CAMTA1: variants seen among roughly 807,000 people sequenced by gnomAD.
CAMTA1 encodes the protein calmodulin binding transcription activator 1.
In CAMTA1, 27 loss-of-function variants were observed where a neutral mutation model predicts 170.9. That is an observed-to-expected ratio of 0.16 (90% CI 0.12 to 0.22). The LOEUF is 0.22. Among genes scored for constraint, CAMTA1 ranks in the 10% least tolerant of loss-of-function variants. CAMTA1 has a pLI of 1.00. For missense variants in CAMTA1, 1,619 were observed against 2,217.2 expected, an observed-to-expected ratio of 0.73 and a Z score of 5.42; for synonymous variants, 833 against 891.5, an observed-to-expected ratio of 0.93 and a Z score of 1.17.
At chr1:7,528,802 G>GATGA (rs3033702) in intron 6 of CAMTA1, among the ~76,000 whole-genome samples, 42,455 of 148,358 alleles carry the variant, frequency 0.29, 6,090 homozygotes, top group South Asian at 0.37. Flanking sequence ...TGAAAGGATG[G>GATGA]ATGAATGAAT....
chr1:7,505,507 C>G (rs554069521), intron 6 of CAMTA1, among the ~76,000 whole-genome samples: 2 of 152,326 alleles, frequency 1.3e-5, no homozygotes, highest in South Asian at 4.1e-4. Context: ...GGAAAAGGAG[C>G]TTGTGCAGGC....
intron 4 of CAMTA1, among the ~76,000 whole-genome samples, chr1:7,121,633 T>C (rs1644645973): frequency 1.3e-5 from 2 of 152,232 alleles, no homozygotes; most frequent in South Asian, 4.1e-4. Context: ...ATCACCTCAG[T>C]GCCCAGGGGG....
intron 8 of CAMTA1, among the ~76,000 whole-genome samples, chr1:7,662,700 A>G (rs1361474321): frequency 6.6e-6 from 1 of 152,034 alleles, no homozygotes; most frequent in Non-Finnish European, 1.5e-5. Flanking sequence ...CCTACTTAGG[A>G]CCTAGAAGGA....
chr1:6,852,120 A>G (rs1370266236), intron 3 of CAMTA1, among the ~76,000 whole-genome samples: 1 of 152,192 alleles, frequency 6.6e-6, no homozygotes, highest in East Asian at 1.9e-4. Flanking sequence ...TCCTTCTCAG[A>G]AGGCAATGAA....
intron 3 of CAMTA1, among the ~76,000 whole-genome samples, chr1:7,059,284 G>C (rs1707848223): frequency 6.6e-6 from 1 of 152,184 alleles, no homozygotes; most frequent in South Asian, 2.1e-4. Flanking sequence ...GTGGTGGGTG[G>C]AAGAGGTGGG....
At chr1:7,109,102 G>C (rs1643870365) in intron 4 of CAMTA1, among the ~76,000 whole-genome samples, 2 of 152,240 alleles carry the variant, frequency 1.3e-5, no homozygotes, top group African/African-American at 4.8e-5. Flanking sequence ...GAGTTAGCAA[G>C]AGACTACGAG....
chr1:6,806,791 TTATC>T (rs1204133188), intron 1 of CAMTA1, among the ~76,000 whole-genome samples: 1 of 152,214 alleles, frequency 6.6e-6, no homozygotes, highest in Admixed American at 6.5e-5. Flanking sequence ...ATATGAATAT[TTATC>T]AAAGAGTTAG....
At chr1:7,310,439 A>C (rs563827120) in intron 5 of CAMTA1, among the ~76,000 whole-genome samples, 21 of 152,236 alleles carry the variant, frequency 1.4e-4, no homozygotes. Context: ...TAGATACTGC[A>C]TAACAGAATA....
At chr1:7,730,783 C>A (rs1314976624) in intron 11 of CAMTA1, among the ~76,000 whole-genome samples, 1 of 152,086 alleles carries the variant, frequency 6.6e-6, no homozygotes, top group Non-Finnish European at 1.5e-5. Flanking sequence ...CCTGTAGTCC[C>A]AGCTACTTGG....
At chr1:7,217,898 C>A (rs1485413297) in intron 4 of CAMTA1, among the ~76,000 whole-genome samples, 2 of 152,116 alleles carry the variant, frequency 1.3e-5, no homozygotes, top group Non-Finnish European at 2.9e-5. Flanking sequence ...TAATTTAGGT[C>A]CATAATTAAA....
At chr1:7,108,769 C>CTA (rs1313130440) in intron 4 of CAMTA1, among the ~76,000 whole-genome samples, 1 of 152,110 alleles carries the variant, frequency 6.6e-6, no homozygotes, top group Non-Finnish European at 1.5e-5. Flanking sequence ...TTATAGTTAC[C>CTA]TAATTGCCTC....
chr1:7,012,823 C>T (rs530574786), intron 3 of CAMTA1, among the ~76,000 whole-genome samples: 20 of 152,300 alleles, frequency 1.3e-4, no homozygotes, highest in African/African-American at 4.8e-4. Flanking sequence ...ACTCACATCT[C>T]TAAATGTAGC....
intron 5 of CAMTA1, among the ~76,000 whole-genome samples, chr1:7,422,945 G>C (rs2091658783): frequency 6.6e-6 from 1 of 152,248 alleles, no homozygotes; most frequent in Non-Finnish European, 1.5e-5. Flanking sequence ...ACCTTTCCCA[G>C]GTTGCCCTGC....
intron 4 of CAMTA1, among the ~76,000 whole-genome samples, chr1:7,174,930 A>G (rs902190897): frequency 6.6e-6 from 1 of 152,222 alleles, no homozygotes; most frequent in African/African-American, 2.4e-5. Flanking sequence ...CGGATGTCCC[A>G]TCATGCCTTT....
intron 4 of CAMTA1, among the ~76,000 whole-genome samples, chr1:7,167,214 G>A (rs1430491422): frequency 6.6e-6 from 1 of 152,132 alleles, no homozygotes; most frequent in Admixed American, 6.5e-5. Flanking sequence ...TAGTTTAGGA[G>A]TTTGGTTTGG....
At chr1:7,261,324 G>T (rs1037033375) in intron 5 of CAMTA1, among the ~76,000 whole-genome samples, 85 of 152,150 alleles carry the variant, frequency 5.6e-4, no homozygotes, top group Non-Finnish European at 2.6e-4. Context: ...AACTTTTAAT[G>T]CTAAGAGCTC....
rs70987364 is a variant in CAMTA1 at position 7,688,011 on chromosome 1, CTTTTTTT to C, written c.2914+10289_2914+10295del. Among the ~76,000 whole-genome samples the C allele has an allele frequency of 9.7e-5, 10 of 103,278 alleles. 2 individuals carry two copies. The highest frequency in any genetic ancestry group is 3.0e-4 in the African/African-American group (8 of 26,912). 67.8% of individuals were successfully genotyped at this position (103,278 alleles called of 152,430 possible). ...CGATTACGTCGGACTCTCATTATTC[CTTTTTTT>C]TTTTTTTTTTGGCAGAGTCTTGCTC... On this transcript the variant is annotated intron_variant, in intron 11 of 22. Transcript: ENST00000303635.
At chr1:7,717,500 C>CT in intron 11 of CAMTA1, among the ~76,000 whole-genome samples, 1 of 152,206 alleles carries the variant, frequency 6.6e-6, no homozygotes, top group East Asian at 1.9e-4. Context: ...AATCTCAGCA[C>CT]TTTGGGAGGC....
chr1:7,418,193 C>T (rs145772883), intron 5 of CAMTA1, among the ~76,000 whole-genome samples: 1 of 152,232 alleles, frequency 6.6e-6, no homozygotes, highest in African/African-American at 2.4e-5. Context: ...CTCTTCAACA[C>T]TTCTTTTTGT....
Sources: gnomAD v4.1 joint callset for allele counts (sites outside exome capture counted in the v4.1 genomes callset) on GRCh38, gnomAD v4.1.1 for gene constraint, MANE v1.5 for transcripts, NCBI Gene and HGNC (gene_info 2026-07-23, HGNC 2026-07-21) for gene names.